Variants in IGFBP3 observed in about 807,000 individuals in gnomAD.
IGFBP3 encodes insulin like growth factor binding protein 3.
IGFBP3 carries 9 observed loss-of-function variants against 28.6 expected under a neutral mutation model. The observed-to-expected ratio is 0.31, with a 90% confidence interval of 0.19 to 0.55. The LOEUF (loss-of-function observed/expected upper bound fraction) is 0.55, where lower values mean the gene tolerates loss of function less well. IGFBP3 is among the 20% of genes least tolerant of loss of function. IGFBP3 has a pLI of 0.93. For missense variants in IGFBP3, 382 were observed against 428.9 expected, an observed-to-expected ratio of 0.89 and a Z score of 0.97; for synonymous variants, 185 against 188.2, an observed-to-expected ratio of 0.98 and a Z score of 0.14.
In IGFBP3 at chr7:45,921,096, C is replaced by T. The variant is rs990634007; in HGVS notation, c.45G>A (p.Leu15=). The T allele has an allele frequency of 1.2e-3, 1,752 of 1,485,158 alleles. 3 individuals are homozygous for T. Among genetic ancestry groups the T allele is most frequent in the Non-Finnish European group, 1.5e-3 (1,692 of 1,124,700 alleles). 92.0% of individuals were successfully genotyped at this position (1,485,158 alleles called of 1,614,324 possible). ...RPTLWAAALT[L]LVLLRGPPVA... ...CCGGCGGCCCGCGGAGCAGCACCAG[C>T]AGAGTCAGCGCAGCGGCCCAGAGCG... The change falls in exon 1 of 5, where the codon CTG becomes CTA. Residue 15 remains leucine, a synonymous_variant. Coordinates refer to ENST00000613132, the MANE Select transcript of IGFBP3 (RefSeq NM_000598.5).
intron 4 of IGFBP3, chr7:45,914,286 G>A (rs1320359722): frequency 2.6e-5 from 4 of 151,588 alleles, no homozygotes; most frequent in African/African-American, 4.9e-5. Context: ...AATTATATTA[G>A]CCACAGACTA....
At chr7:45,915,956 A>G (rs1784603548) in intron 3 of IGFBP3, among the ~76,000 whole-genome samples, 1 of 152,200 alleles carries the variant, frequency 6.6e-6, no homozygotes, top group Non-Finnish European at 1.5e-5. Flanking sequence ...CAAGCTGGCC[A>G]TGCTGCAGTC....
At position 45,921,046 on chromosome 7, in the gene IGFBP3, G is replaced by T. The variant is rs2854746; in HGVS notation, c.95C>A (p.Ala32Glu). 6.9e-7 allele frequency: 1 copy of T among 1,441,282 alleles called. No individual in the cohort carries two copies. 89.3% of individuals were successfully genotyped at this position (1,441,282 alleles called of 1,614,324 possible). ...GCAGCGCACCACGGGACCCAAGCCC[G>T]CCGAGCTCGCGCCAGCCCGCGCCAC... ...PPVARAGASS[A>E]GLGPVVRCEP... The change falls in exon 1 of 5, where the codon GCG (alanine) becomes GAG (glutamate). Residue 32 changes from alanine (A) to glutamate (E), a missense_variant. Transcript: ENST00000613132.
At chr7:45,914,607 T>C (rs1784584189) in intron 4 of IGFBP3, 198 bp downstream of exon 4, 2 of 490,100 alleles carry the variant, frequency 4.1e-6, no homozygotes, top group East Asian at 7.4e-5. Flanking sequence ...CCACACTTGT[T>C]TGGTTGGGTT....
chr7:45,916,136 G>C (rs1289624815), intron 3 of IGFBP3, among the ~76,000 whole-genome samples: 2 of 152,206 alleles, frequency 1.3e-5, no homozygotes, highest in African/African-American at 4.8e-5. Context: ...TAAGCTTTTT[G>C]TGGTATGACC....
intron 4 of IGFBP3, 68 bp from the exon 5 acceptor site, chr7:45,913,902 C>T (rs2116572138): frequency 6.6e-6 from 1 of 152,222 alleles, no homozygotes; most frequent in South Asian, 2.1e-4. Context: ...CGACTCTTGC[C>T]CTGAGATATC....
chr7:45,920,872 G>A lies in IGFBP3; in HGVS notation c.269C>T (p.Ser90Phe). Residue 90 changes from serine to phenylalanine, a missense_variant, in exon 1 of 5, where the codon TCC becomes TTC. Transcript: ENST00000613132. ...GGGCGACGGCTGGCAGCGAAGGCCG[G>A]AGCCACAGCGCTCGGTGTAGATGCC... ...PCGIYTERCG[S>F]GLRCQPSPDE... 1 of 1,426,724 alleles carries A rather than the reference G, an allele frequency of 7.0e-7. No homozygotes were observed. Among genetic ancestry groups the A allele is most frequent in the Non-Finnish European group, 9.1e-7 (1 of 1,097,672 alleles). The allele number at this position is 1,426,724 out of a possible 1,614,324, so 88.4% of individuals were successfully genotyped here.
chr7:45,913,756 A>G lies in IGFBP3; in HGVS notation c.*94T>C, dbSNP rs1225798671. On this transcript the variant is annotated 3_prime_UTR_variant, in exon 5 of 5. Coordinates refer to ENST00000613132, the MANE Select transcript of IGFBP3 (RefSeq NM_000598.5). ...CAGTTCACCACAAACAGAAATATAAATCGAGGCTGTAGCCAGCTGCTGGTC... is the reference window on the plus strand; with the variant it reads ...CAGTTCACCACAAACAGAAATATAAGTCGAGGCTGTAGCCAGCTGCTGGTC... 1 of 152,556 alleles carries G rather than the reference A, an allele frequency of 6.6e-6. No individual in the cohort carries two copies. Among genetic ancestry groups the G allele is most frequent in the Admixed American group, 6.5e-5 (1 of 15,286 alleles). 9.5% of individuals were successfully genotyped at this position (152,556 alleles called of 1,614,324 possible).
intron 1 of IGFBP3, 104 bp from the exon 2 acceptor site, chr7:45,917,543 T>G: frequency 1.1e-6 from 1 of 908,660 alleles, no homozygotes. Flanking sequence ...ATGACAATAT[T>G]AGTTGGCAAT....
intron 2 of IGFBP3, 74 bp downstream of exon 2, chr7:45,917,139 G>T: frequency 8.1e-7 from 1 of 1,228,500 alleles, no homozygotes; most frequent in Non-Finnish European, 1.2e-6. Context: ...AGTAAGAATT[G>T]CCCTCAAGAG....
intron 2 of IGFBP3, 182 bp downstream of exon 2, chr7:45,917,031 C>G: frequency 1.7e-6 from 1 of 605,396 alleles, no homozygotes; most frequent in East Asian, 2.7e-5. Context: ...ATAAGATTCT[C>G]CAAAAGGGTC....
In IGFBP3 at chr7:45,921,249, C is replaced by T; in HGVS notation, c.-109G>A. ...CAGGCAGGAAGCGGCTGATCCTCAGCGCCCAGCCGCAGTGCTCGCATCTGG... is the reference window on the plus strand; with the variant it reads ...CAGGCAGGAAGCGGCTGATCCTCAGTGCCCAGCCGCAGTGCTCGCATCTGG... On this transcript the variant is annotated 5_prime_UTR_variant, in exon 1 of 5. Coordinates refer to ENST00000613132, the MANE Select transcript of IGFBP3 (RefSeq NM_000598.5). 2 of 1,315,414 alleles carry T rather than the reference C, an allele frequency of 1.5e-6. No individual in the cohort carries two copies. The highest frequency in any genetic ancestry group is 2.1e-6 in the Non-Finnish European group (2 of 961,756). The allele number at this position is 1,315,414 out of a possible 1,614,324, so 81.5% of individuals were successfully genotyped here. A position where few individuals can be genotyped will look rare whatever the true frequency, so the allele number is the denominator to read the frequency against.
At chr7:45,919,663 G>A (rs1490102965) in intron 1 of IGFBP3, among the ~76,000 whole-genome samples, 1 of 152,234 alleles carries the variant, frequency 6.6e-6, no homozygotes. Context: ...AGGATGGGGA[G>A]AATTCTCCCA....
intron 1 of IGFBP3, 65 bp from the exon 2 acceptor site, chr7:45,917,504 T>C: frequency 7.3e-7 from 1 of 1,363,428 alleles, no homozygotes; most frequent in Middle Eastern, 2.1e-4. Context: ...CTTTTAAAAA[T>C]CTTAACGTTG....
chr7:45,918,263 A>G (rs147434316), intron 1 of IGFBP3, among the ~76,000 whole-genome samples: 15 of 152,156 alleles, frequency 9.9e-5, no homozygotes, highest in Non-Finnish European at 1.6e-4. Flanking sequence ...TCTAAGTGCC[A>G]AAGAGCTTTT....
intron 3 of IGFBP3, 171 bp from the exon 4 acceptor site, chr7:45,915,116 T>TGC (rs778226477): frequency 1.5e-5 from 10 of 670,956 alleles, no homozygotes; most frequent in Non-Finnish European, 2.5e-5. Flanking sequence ...CCGCTGAGTG[T>TGC]GCGCCTGTGC....
At chr7:45,918,736 G>A (rs1214508443) in intron 1 of IGFBP3, among the ~76,000 whole-genome samples, 1 of 152,172 alleles carries the variant, frequency 6.6e-6, no homozygotes, top group Non-Finnish European at 1.5e-5. Flanking sequence ...GCTCTCCCCT[G>A]GAAGTGGCTA....
intron 4 of IGFBP3, 65 bp downstream of exon 4, chr7:45,914,740 C>A: frequency 6.6e-7 from 1 of 1,524,794 alleles, no homozygotes; most frequent in East Asian, 2.3e-5. Context: ...CCACGCCCAG[C>A]CCCTGAGGCT....
At chr7:45,918,081 C>A (rs569488785) in intron 1 of IGFBP3, among the ~76,000 whole-genome samples, 11 of 152,330 alleles carry the variant, frequency 7.2e-5, no homozygotes, top group African/African-American at 2.4e-4. Context: ...CAGAATCATG[C>A]AAGCATGTTG....
Sources: allele counts gnomAD v4.1 joint callset (sites outside exome capture counted in the v4.1 genomes callset), GRCh38; gene constraint gnomAD v4.1.1; transcripts MANE v1.5; gene names NCBI Gene and HGNC (gene_info 2026-07-23, HGNC 2026-07-21).